Variants in SPAG16 observed in about 807,000 individuals in gnomAD.
SPAG16 encodes the protein sperm-associated antigen 16 protein.
In SPAG16, 86 loss-of-function variants were observed where a neutral mutation model predicts 80.4. The observed-to-expected ratio is 1.07, with a 90% CI of 0.90 to 1.28. SPAG16 has a LOEUF of 1.28. Ranked by LOEUF, SPAG16 falls within the 50% of genes most tolerant of loss-of-function variation. The pLI, the probability that SPAG16 is intolerant of heterozygous loss-of-function variation, is 0.00. For synonymous variants in SPAG16, 294 were observed against 265.9 expected (o/e 1.11, Z -1.03); for missense variants, 870 against 765.3 (o/e 1.14, Z -1.61).
chr2:214,241,206 A>C (rs556745302), intron 15 of SPAG16: 1 of 152,186 alleles, frequency 6.6e-6, no homozygotes, highest in South Asian at 2.1e-4. Flanking sequence ...TACAAAAAAA[A>C]ATTAGCCGGG....
chr2:214,096,494 T>C (rs1013393921), intron 13 of SPAG16, among the ~76,000 whole-genome samples: 4 of 152,052 alleles, frequency 2.6e-5, no homozygotes, highest in African/African-American at 9.7e-5. Flanking sequence ...GATTGGAATA[T>C]ATATATTCCG....
chr2:213,384,040 G>T (rs1403457608), intron 9 of SPAG16, among the ~76,000 whole-genome samples: 2 of 152,140 alleles, frequency 1.3e-5, no homozygotes, highest in African/African-American at 4.8e-5. Flanking sequence ...TAGAACAGTT[G>T]CAATTTAGGC....
At chr2:213,962,750 T>C (rs748403297) in intron 12 of SPAG16, among the ~76,000 whole-genome samples, 3 of 152,248 alleles carry the variant, frequency 2.0e-5, no homozygotes, top group Non-Finnish European at 2.9e-5. Context: ...TGTAAGTTTA[T>C]TAAAATTTTC....
At chr2:214,278,274 G>A (rs375885562) in intron 15 of SPAG16, among the ~76,000 whole-genome samples, 17 of 152,182 alleles carry the variant, frequency 1.1e-4, no homozygotes, top group African/African-American at 3.4e-4. Flanking sequence ...GCACTTCCCG[G>A]GTGAGGTGAT....
chr2:214,057,731 A>G (rs1050571842), intron 13 of SPAG16, among the ~76,000 whole-genome samples: 2 of 152,168 alleles, frequency 1.3e-5, no homozygotes, highest in Non-Finnish European at 2.9e-5. Context: ...AGGCTTTTTC[A>G]TCTGTACTGA....
At chr2:214,405,907 T>A (rs1295721126) in intron 15 of SPAG16, among the ~76,000 whole-genome samples, 1 of 152,184 alleles carries the variant, frequency 6.6e-6, no homozygotes, top group Non-Finnish European at 1.5e-5. Flanking sequence ...AAACATGTGA[T>A]GTAAAAAAGA....
intron 9 of SPAG16, among the ~76,000 whole-genome samples, chr2:213,415,410 A>G (rs888896382): frequency 6.6e-6 from 1 of 152,224 alleles, no homozygotes; most frequent in African/African-American, 2.4e-5. Context: ...GCCTGGAAAT[A>G]TCATTTTTTC....
chr2:213,573,373 C>T (rs1264773167), intron 10 of SPAG16, among the ~76,000 whole-genome samples: 4 of 152,220 alleles, frequency 2.6e-5, no homozygotes, highest in African/African-American at 9.6e-5. Flanking sequence ...TTTTTGACAT[C>T]TCTCTGTTCT....
intron 3 of SPAG16, among the ~76,000 whole-genome samples, chr2:213,302,942 GCTGT>G (rs1365938512): frequency 6.6e-6 from 1 of 152,024 alleles, no homozygotes; most frequent in Non-Finnish European, 1.5e-5. Context: ...ACACCCTCCT[GCTGT>G]CTGTCTTCCT....
intron 12 of SPAG16, among the ~76,000 whole-genome samples, chr2:213,966,024 T>A (rs1359821168): frequency 6.6e-6 from 1 of 152,168 alleles, no homozygotes; most frequent in Non-Finnish European, 1.5e-5. Flanking sequence ...TAAGGTTAGA[T>A]GGAGAAAGGA....
intron 15 of SPAG16, among the ~76,000 whole-genome samples, chr2:214,348,690 G>A (rs1183373950): frequency 6.6e-6 from 1 of 152,124 alleles, no homozygotes; most frequent in African/African-American, 2.4e-5. Flanking sequence ...TGTAAATGAA[G>A]CTGTCTCAGA....
chr2:213,605,104 C>G (rs2061209835), intron 10 of SPAG16, among the ~76,000 whole-genome samples: 1 of 151,666 alleles, frequency 6.6e-6, no homozygotes, highest in Non-Finnish European at 1.5e-5. Context: ...TTCATGTATA[C>G]ATGAAAATGT....
At chr2:213,567,456 CCCACCTAT>C (rs1259164687) in intron 10 of SPAG16, among the ~76,000 whole-genome samples, 1 of 111,742 alleles carries the variant, frequency 8.9e-6, no homozygotes, top group East Asian at 2.4e-4. Context: ...TTGTTCAATT[CCCACCTAT>C]GAGTGAGAAT....
At chr2:213,628,265 CAT>C (rs747125437) in intron 10 of SPAG16, among the ~76,000 whole-genome samples, 13 of 152,176 alleles carry the variant, frequency 8.5e-5, no homozygotes, top group Non-Finnish European at 1.3e-4. Context: ...CCAAGATGCA[CAT>C]GTTTCCAGTT....
chr2:213,977,105 C>T (rs927077435), intron 12 of SPAG16, among the ~76,000 whole-genome samples: 13 of 151,912 alleles, frequency 8.6e-5, no homozygotes, highest in African/African-American at 3.1e-4. Flanking sequence ...GGTCAGAGAC[C>T]AAGCAGGGGG....
At chr2:213,368,368 C>A (rs2066437034) in intron 8 of SPAG16, among the ~76,000 whole-genome samples, 2 of 152,020 alleles carry the variant, frequency 1.3e-5, no homozygotes, top group African/African-American at 4.8e-5. Flanking sequence ...AATCTATACA[C>A]TTCATGCTAA....
intron 15 of SPAG16, among the ~76,000 whole-genome samples, chr2:214,152,799 G>C (rs1319747197): frequency 5.3e-5 from 8 of 152,186 alleles, no homozygotes; most frequent in Non-Finnish European, 1.2e-4. Context: ...TGGACAGGGG[G>C]CCCTTCCCTG....
At chr2:214,198,998 A>G (rs113782054) in intron 15 of SPAG16, among the ~76,000 whole-genome samples, 8,965 of 152,184 alleles carry the variant, frequency 0.059, 318 homozygotes, top group Non-Finnish European at 0.071. Flanking sequence ...GATTCTGGAT[A>G]GTGGCCCTTT....
chr2:214,069,652 G>T (rs1390414678), intron 13 of SPAG16, among the ~76,000 whole-genome samples: 1 of 151,954 alleles, frequency 6.6e-6, no homozygotes, highest in Non-Finnish European at 1.5e-5. Context: ...TTATCAGGAG[G>T]AACATGATAA....
Sources: gnomAD v4.1 joint callset for allele counts (sites outside exome capture counted in the v4.1 genomes callset) on GRCh38, gnomAD v4.1.1 for gene constraint, MANE v1.5 for transcripts, NCBI Gene and HGNC (gene_info 2026-07-23, HGNC 2026-07-21) for gene names.